Variants in IGF2BP3 observed in about 807,000 individuals in gnomAD.
The protein encoded by IGF2BP3 is insulin-like growth factor 2 mRNA-binding protein 3.
Under a neutral mutation model 73.8 loss-of-function variants are expected in IGF2BP3, and 9 were observed. The ratio of observed to expected loss-of-function variants is 0.12; its 90% CI spans 0.07 to 0.21. The LOEUF (loss-of-function observed/expected upper bound fraction) is 0.21. Ranked by LOEUF, IGF2BP3 falls within the 10% of genes least tolerant of loss-of-function variation. The probability of loss-of-function intolerance (pLI) is 1.00; values close to 1 mark genes in which losing one functional copy is unlikely to be tolerated. For missense variants in IGF2BP3, 542 were observed against 714.0 expected (o/e 0.76, Z 2.75); for synonymous variants, 258 against 256.7 (o/e 1.01, Z -0.05).
rs1554338703 is a variant in IGF2BP3, at chr7:23,465,530, C to CAA, written c.236+2951_236+2952insTT. Among the ~76,000 whole-genome samples, 17 of 151,892 alleles carry CAA rather than the reference C, an allele frequency of 1.1e-4. No individual in the cohort carries two copies. In the South Asian group the frequency reaches 1.7e-3, roughly 15 times the overall value. ...TACTACTTCCTGAAAGGGTCCCCCC[C>CAA]CAAGCTCCACTGGAAGTCAAAGCCA... On this transcript the variant is annotated intron_variant, in intron 2 of 14. Coordinates refer to ENST00000258729, the MANE Select transcript of IGF2BP3 (RefSeq NM_006547.3).
In IGF2BP3 at chr7:23,392,485, T is replaced by C. The variant is rs368254390; in HGVS notation, c.285+26291A>G. Among the ~76,000 whole-genome samples the C allele has an allele frequency of 9.4e-4, 141 of 149,896 alleles. 2 individuals carry two copies. The South Asian group carries it at 0.012, about 13-fold the overall frequency. The stretch of plus-strand genomic sequence containing the variant: ...ACACATATATATGTATATATATATA[T>C]ACACACATACACACATATGCACATA... On this transcript the variant is annotated intron_variant, in intron 3 of 14. Transcript: ENST00000258729.
At position 23,469,671 on chromosome 7, in the gene IGF2BP3, G is replaced by A. The variant is rs1293986748; in HGVS notation, c.175+265C>T. ...GGGAGCGCGCCTCCCCCAGCCCCGC[G>A]CCCCCCTTAGCCAGCGCCGGGGCTT... is the stretch of plus-strand genomic sequence containing the variant. On this transcript the variant is annotated intron_variant, in intron 1 of 14. Coordinates refer to ENST00000258729, the MANE Select transcript of IGF2BP3 (RefSeq NM_006547.3). The surrounding 1 kb of genome is among the most constrained non-coding windows in gnomAD (Gnocchi z 6.1). 6.6e-6 allele frequency among the ~76,000 whole-genome samples: 1 copy of A among 151,478 alleles called. No individual in the cohort carries two copies. The highest frequency in any genetic ancestry group is 1.5e-5 in the Non-Finnish European group (1 of 67,746).
intron 2 of IGF2BP3, among the ~76,000 whole-genome samples, chr7:23,436,737 C>T (rs966854783): frequency 1.3e-5 from 2 of 152,170 alleles, no homozygotes; most frequent in Admixed American, 6.5e-5. Context: ...AAGATTGTTA[C>T]ATTAGACAGT....
chr7:23,467,006 C>G (rs1788580594), intron 2 of IGF2BP3, among the ~76,000 whole-genome samples: 1 of 152,116 alleles, frequency 6.6e-6, no homozygotes, highest in East Asian at 1.9e-4. Context: ...CCAATTCAGG[C>G]TATGGCTTTA....
rs938443128 is a variant in IGF2BP3, at chr7:23,392,468, A to G, written c.285+26308T>C. On this transcript the variant is annotated intron_variant, in intron 3 of 14. Transcript: ENST00000258729. ...TATATATATACACACACACACATAT[A>G]TATGTATATATATATATACACACAT... 2.0e-5 allele frequency among the ~76,000 whole-genome samples: 3 copies of G among 150,892 alleles called. No individual in the cohort carries two copies. The East Asian group carries it at 5.8e-4, about 29-fold the overall frequency.
At chr7:23,449,042 T>C (rs964622144) in intron 2 of IGF2BP3, among the ~76,000 whole-genome samples, 7 of 152,192 alleles carry the variant, frequency 4.6e-5, no homozygotes, top group African/African-American at 1.7e-4. Context: ...TTATCTTTCA[T>C]GCACTTAGAT....
intron 3 of IGF2BP3, among the ~76,000 whole-genome samples, chr7:23,371,156 C>G (rs1231456638): frequency 7.5e-6 from 1 of 133,608 alleles, no homozygotes; most frequent in Non-Finnish European, 1.5e-5. Flanking sequence ...ACCTTGCCAA[C>G]ACACACACAC....
In IGF2BP3 at chr7:23,470,102, T is replaced by TTTG; in HGVS notation, c.6_8dup (p.Asn2dup). 1 of 1,604,276 alleles carries TTTG rather than the reference T, an allele frequency of 6.2e-7. No homozygotes were observed. The highest frequency in any genetic ancestry group is 8.5e-7 in the Non-Finnish European group (1 of 1,177,118). On this transcript the variant is annotated inframe_insertion, in exon 1 of 15. Coordinates refer to ENST00000258729, the MANE Select transcript of IGF2BP3 (RefSeq NM_006547.3). ...TCTCGCTGAGGTTTCCGATATACAG[T>TTTG]TTGTTCATTGTGAAGAGTGGTTGTT...
At chr7:23,372,129 A>G (rs972752965) in intron 3 of IGF2BP3, among the ~76,000 whole-genome samples, 1 of 151,026 alleles carries the variant, frequency 6.6e-6, no homozygotes, top group African/African-American at 2.4e-5. Flanking sequence ...GCTGGAGTGC[A>G]GTGGCACGAT....
chr7:23,376,775 G>A (rs537013567), intron 3 of IGF2BP3, among the ~76,000 whole-genome samples: 14 of 152,298 alleles, frequency 9.2e-5, no homozygotes, highest in African/African-American at 2.9e-4. Context: ...GGCTGAGGCA[G>A]GAGGTTGGCT....
At chr7:23,376,540 GAAAAAAA>G (rs763360484) in intron 3 of IGF2BP3, among the ~76,000 whole-genome samples, 7 of 88,668 alleles carry the variant, frequency 7.9e-5, no homozygotes, top group Middle Eastern at 5.0e-3. Context: ...ATCTCCCAAA[GAAAAAAA>G]AAAAAAAAAA....
Position 23,436,209 on chromosome 7 carries a change from G to A in IGF2BP3, c.237-17385C>T, listed in dbSNP as rs577012142. 3.3e-5 allele frequency among the ~76,000 whole-genome samples: 5 copies of A among 152,230 alleles called. No homozygotes were observed. The South Asian group carries it at 8.3e-4, about 25-fold the overall frequency. ...CAAATACAATGGAAAAAACTAATCA[G>A]GAAAATTGGAATATTTAATACCAGT... On this transcript the variant is annotated intron_variant, in intron 2 of 14. Transcript: ENST00000258729.
rs148405052 is a variant in IGF2BP3, at chr7:23,313,056, A to G, written c.1528-208T>C. Among the ~76,000 whole-genome samples the G allele has an allele frequency of 2.5e-3, 387 of 152,378 alleles. 2 individuals carry two copies. Among genetic ancestry groups the G allele is most frequent in the African/African-American group, 8.8e-3 (367 of 41,594 alleles). Reference sequence around the variant, plus strand: ...CTGATTTGTCCAGTTATACAAGTGAATGGCAAAACCAGATTCAAATCCTGA... The same window carrying G: ...CTGATTTGTCCAGTTATACAAGTGAGTGGCAAAACCAGATTCAAATCCTGA... On this transcript the variant is annotated intron_variant, in intron 13 of 14. Transcript: ENST00000258729.
intron 3 of IGF2BP3, among the ~76,000 whole-genome samples, chr7:23,392,555 T>C (rs919745717): frequency 6.6e-6 from 1 of 151,688 alleles, no homozygotes; most frequent in Non-Finnish European, 1.5e-5. Flanking sequence ...TATACAACTA[T>C]TAATGATAGT....
intron 5 of IGF2BP3, among the ~76,000 whole-genome samples, chr7:23,360,396 G>A (rs565825051): frequency 6.6e-6 from 1 of 152,216 alleles, no homozygotes; most frequent in African/African-American, 2.4e-5. Flanking sequence ...ACATTCAAAT[G>A]TTATGGTATC....
intron 2 of IGF2BP3, among the ~76,000 whole-genome samples, chr7:23,462,205 T>G (rs1788464268): frequency 6.6e-6 from 1 of 152,136 alleles, no homozygotes; most frequent in African/African-American, 2.4e-5. Flanking sequence ...GCCACTAAGT[T>G]TTGGGGTGGT....
chr7:23,315,092 T>G (rs894333257), intron 12 of IGF2BP3, among the ~76,000 whole-genome samples: 3 of 151,820 alleles, frequency 2.0e-5, no homozygotes, highest in African/African-American at 7.3e-5. Flanking sequence ...CATGAGCCAC[T>G]CACTGTGCCC....
intron 2 of IGF2BP3, among the ~76,000 whole-genome samples, chr7:23,426,540 C>T (rs917777666): frequency 1.3e-5 from 2 of 152,060 alleles, no homozygotes; most frequent in African/African-American, 4.8e-5. Context: ...AAATGTTACC[C>T]TTTTTCTTGC....
At chr7:23,323,729 C>G (rs1052480353) in intron 10 of IGF2BP3, among the ~76,000 whole-genome samples, 3 of 152,124 alleles carry the variant, frequency 2.0e-5, no homozygotes, top group Admixed American at 2.0e-4. Context: ...TCTCTCTGAC[C>G]ACAGTGCAAT....
Sources: gnomAD v4.1 joint callset for allele counts (sites outside exome capture counted in the v4.1 genomes callset) on GRCh38, gnomAD v4.1.1 for gene constraint, Gnocchi (gnomAD v3.1) non-coding constraint, MANE v1.5 for transcripts, NCBI Gene and HGNC (gene_info 2026-07-23, HGNC 2026-07-21) for gene names.